CLEC18C: variants seen among roughly 807,000 people sequenced by gnomAD.
CLEC18C encodes the protein C-type lectin domain family 18 member C.
CLEC18C carries 2 observed loss-of-function variants against 27.2 expected under a neutral mutation model. The ratio of observed to expected loss-of-function variants is 0.07; its 90% CI spans 0.03 to 0.23. The LOEUF is 0.23. Among genes scored for constraint, CLEC18C ranks in the 10% least tolerant of loss-of-function variants. The pLI, the probability that CLEC18C is intolerant of heterozygous loss-of-function variation, is 1.00. For missense variants in CLEC18C, 31 were observed against 269.0 expected, an observed-to-expected ratio of 0.12 and a Z score of 6.19; for synonymous variants, 13 against 112.8, an observed-to-expected ratio of 0.12 and a Z score of 5.61.
At chr16:70,176,456 G>A (rs1443653864) in intron 3 of CLEC18C, among the ~76,000 whole-genome samples, 5 of 149,044 alleles carry the variant, frequency 3.4e-5, no homozygotes, top group African/African-American at 7.6e-5. Context: ...GGCTGGGCAC[G>A]GTGGCTCACA....
chr16:70,177,673 G>A (rs1435488929), intron 4 of CLEC18C, among the ~76,000 whole-genome samples, 193 bp downstream of exon 4: 5 of 115,920 alleles, frequency 4.3e-5, no homozygotes, highest in Middle Eastern at 4.2e-3. Flanking sequence ...GCGTGATCTC[G>A]GCTCACTGCA....
In CLEC18C at chr16:70,175,021, G is replaced by C. The variant is rs1209893047; in HGVS notation, c.199G>C (p.Ala67Pro). The change falls in exon 3 of 13, where the codon GCT (alanine) becomes CCT (proline). Residue 67 changes from alanine to proline, a missense_variant. Physicochemically the swap from Ala to Pro is conservative, Grantham distance 27 (BLOSUM62 -1). Coordinates refer to ENST00000541793, the MANE Select transcript of CLEC18C (RefSeq NM_173619.4). ...RLRSWVQPPA[A>P]DMRRLDWSDS... ...GCGCAGCTGGGTCCAGCCCCCTGCG[G>C]CTGACATGCGGAGGCTGGTGAGTAC... is the stretch of plus-strand genomic sequence containing the variant. 1 of 1,256,710 alleles carries C rather than the reference G, an allele frequency of 8.0e-7. No individual in the cohort carries two copies. The allele number at this position is 1,256,710 out of a possible 1,614,324, so 77.8% of individuals were successfully genotyped here. A position where few individuals can be genotyped will look rare whatever the true frequency, so the allele number is the denominator to read the frequency against.
At chr16:70,179,821 A>C (rs1472302572) in intron 4 of CLEC18C, among the ~76,000 whole-genome samples, 1 of 143,590 alleles carries the variant, frequency 7.0e-6, no homozygotes, top group Non-Finnish European at 1.5e-5. Flanking sequence ...TAATTTTTGT[A>C]TTTTTAGTAC....
chr16:70,179,408 C>T (rs1156271153), intron 4 of CLEC18C, among the ~76,000 whole-genome samples: 3 of 83,832 alleles, frequency 3.6e-5, no homozygotes, highest in Non-Finnish European at 6.6e-5. Flanking sequence ...TGCAGGCACA[C>T]GCCACCACAC....
At position 70,185,876 on chromosome 16, in the gene CLEC18C, G is replaced by T. The variant is rs749371730; in HGVS notation, c.1212-9G>T. On this transcript the variant is annotated splice_polypyrimidine_tract_variant and intron_variant, in intron 11 of 12. Transcript: ENST00000541793. The stretch of plus-strand genomic sequence containing the variant: ...TCTTGCCTCCTGACCACCACACCAT[G>T]GCCTGCAGGTTTGGCAACTGCGTGG... The T allele has an allele frequency of 6.4e-7, 1 of 1,560,432 alleles. No individual in the cohort carries two copies. The highest frequency in any genetic ancestry group is 8.6e-7 in the Non-Finnish European group (1 of 1,163,290).
intron 3 of CLEC18C, among the ~76,000 whole-genome samples, chr16:70,176,593 G>C (rs1315954024): frequency 1.3e-5 from 2 of 149,806 alleles, no homozygotes; most frequent in Non-Finnish European, 2.9e-5. Context: ...GCCAGGTGTG[G>C]TGTCACATGG....
intron 2 of CLEC18C, 88 bp from the exon 3 acceptor site, chr16:70,174,859 C>T (rs1597404950): frequency 1.9e-6 from 1 of 540,080 alleles, no homozygotes; most frequent in East Asian, 3.5e-5. Context: ...TCTTGTTTTC[C>T]AAGGGCAGGG....
Position 70,177,524 on chromosome 16 carries a change from C to G in CLEC18C, c.456+44C>G, listed in dbSNP as rs773888639. 4.4e-6 allele frequency: 6 copies of G among 1,353,164 alleles called. 1 individual carries two copies. The Admixed American group carries it at 8.0e-5, about 18-fold the overall frequency. 83.8% of individuals were successfully genotyped at this position (1,353,164 alleles called of 1,614,324 possible). On this transcript the variant is annotated intron_variant, in intron 4 of 12. Coordinates refer to ENST00000541793, the MANE Select transcript of CLEC18C (RefSeq NM_173619.4). ...AGGCCAGCGTGCCAGCTCCCAGATA[C>G]AGACTTCCACTGGTCCATCTCAGAA...
chr16:70,177,587 C>G, intron 4 of CLEC18C, 107 bp downstream of exon 4: 1 of 1,265,138 alleles, frequency 7.9e-7, no homozygotes, highest in South Asian at 1.4e-5. Context: ...GATTCCTTTT[C>G]CTCCAATTGG....
chr16:70,186,094 GC>G, intron 12 of CLEC18C, 118 bp downstream of exon 12: 3 of 1,200,570 alleles, frequency 2.5e-6, no homozygotes, highest in Non-Finnish European at 3.5e-6. Context: ...GGCACACGGG[GC>G]CATAGAGGAT....
chr16:70,176,519 G>A (rs551560752), intron 3 of CLEC18C, among the ~76,000 whole-genome samples: 33 of 151,294 alleles, frequency 2.2e-4, no homozygotes, highest in African/African-American at 7.6e-4. Context: ...CCTAAGGTCA[G>A]CAGTTTGAGA....
At chr16:70,179,555 C>G (rs1968396074) in intron 4 of CLEC18C, among the ~76,000 whole-genome samples, 1 of 147,934 alleles carries the variant, frequency 6.8e-6, no homozygotes, top group Non-Finnish European at 1.5e-5. Flanking sequence ...AGCCACTGTG[C>G]CCAGCCTTGG....
intron 11 of CLEC18C, 164 bp from the exon 12 acceptor site, chr16:70,185,721 G>A (rs1968450752): frequency 1.5e-6 from 1 of 654,764 alleles, no homozygotes; most frequent in Admixed American, 3.5e-5. Flanking sequence ...GAGAAGTGGA[G>A]CAGGGCTGGG....
chr16:70,177,536 G>T lies in CLEC18C; in HGVS notation c.456+56G>T, dbSNP rs1968335582. The T allele has an allele frequency of 3.0e-6, 4 of 1,339,040 alleles. 1 individual carries two copies. The highest frequency in any genetic ancestry group is 4.1e-6 in the Non-Finnish European group (4 of 979,758). The allele number at this position is 1,339,040 out of a possible 1,614,324, so 82.9% of individuals were successfully genotyped here. A position where few individuals can be genotyped will look rare whatever the true frequency, so the allele number is the denominator to read the frequency against. On this transcript the variant is annotated intron_variant, in intron 4 of 12. Transcript: ENST00000541793. ...CAGCTCCCAGATACAGACTTCCACT[G>T]GTCCATCTCAGAAGAGGCTACAGTT...
chr16:70,186,062 T>C, intron 12 of CLEC18C, 86 bp downstream of exon 12: 1 of 1,486,804 alleles, frequency 6.7e-7, no homozygotes, highest in African/African-American at 1.7e-5. Context: ...GGTATCTAGG[T>C]GGCAGGTTCA....
chr16:70,176,336 T>G (rs2152137201), intron 3 of CLEC18C, among the ~76,000 whole-genome samples: 1 of 146,756 alleles, frequency 6.8e-6, no homozygotes, highest in Non-Finnish European at 1.5e-5. Context: ...TGCAGGCACC[T>G]CCCTGCTCCG....
At chr16:70,179,569 C>G (rs1246886127) in intron 4 of CLEC18C, among the ~76,000 whole-genome samples, 3 of 147,976 alleles carry the variant, frequency 2.0e-5, no homozygotes, top group Non-Finnish European at 3.0e-5. Flanking sequence ...GCCTTGGCTC[C>G]TTAAGTTTTG....
rs1290381928 is a variant in CLEC18C at position 70,179,968 on chromosome 16, T to G, written c.457-1882T>G. On this transcript the variant is annotated intron_variant, in intron 4 of 12. Transcript: ENST00000541793. ...TTAGATCATTAATTTTAAATCATTT[T>G]TTGTTTCTACTATATACATTTAAAG... Among the ~76,000 whole-genome samples the G allele has an allele frequency of 1.6e-5, 2 of 122,978 alleles. 1 individual carries two copies. Among genetic ancestry groups the G allele is most frequent in the Non-Finnish European group, 3.6e-5 (2 of 56,256 alleles). The allele number at this position is 122,978 out of a possible 152,430, so 80.7% of individuals were successfully genotyped here.
rs993351247 is a variant in CLEC18C at position 70,185,998 on chromosome 16, C to T, written c.1303+22C>T. ...TTTGGTGAGGGACTTCCTGAGGCTCCCCTTCTCTGATCTCTGACCCTGGGG... is the reference window on the plus strand; with the variant it reads ...TTTGGTGAGGGACTTCCTGAGGCTCTCCTTCTCTGATCTCTGACCCTGGGG... On this transcript the variant is annotated intron_variant, in intron 12 of 12. Transcript: ENST00000541793. 9 of 1,452,520 alleles carry T rather than the reference C, an allele frequency of 6.2e-6. 2 individuals are homozygous for T. Among genetic ancestry groups the T allele is most frequent in the East Asian group, 4.8e-5 (2 of 41,496 alleles). 90.0% of individuals were successfully genotyped at this position (1,452,520 alleles called of 1,614,324 possible). A position where few individuals can be genotyped will look rare whatever the true frequency, so the allele number is the denominator to read the frequency against.
Sources: gnomAD v4.1 joint callset for allele counts (sites outside exome capture counted in the v4.1 genomes callset) on GRCh38, gnomAD v4.1.1 for gene constraint, MANE v1.5 for transcripts, NCBI Gene and HGNC (gene_info 2026-07-23, HGNC 2026-07-21) for gene names.